The following GRN variants were observed in gnomAD, a reference collection of about 807,000 sequenced individuals.
GRN encodes the protein granulin precursor.
GRN carries 30 observed loss-of-function variants against 66.7 expected under a neutral mutation model. That is an observed-to-expected ratio of 0.45 (90% confidence interval 0.34 to 0.61). The LOEUF is 0.61. Ranked by LOEUF, GRN falls within the 20% of genes least tolerant of loss-of-function variation. The pLI is 0.01. For synonymous variants in GRN, 327 were observed against 311.1 expected (o/e 1.05, Z -0.54); for missense variants, 731 against 803.5 (o/e 0.91, Z 1.09).
In GRN at chr17:44,352,375, C is replaced by A; in HGVS notation, c.1448C>A (p.Pro483Gln). Residue 483 changes from proline (P) to glutamine (Q), a missense_variant, in exon 12 of 13, where the codon CCG (proline) becomes CAG (glutamine). Around this residue, in one of 3 missense-constraint regions of GRN, gnomAD observed 319 missense variants for 347.2 expected, o/e 0.92. Transcript: ENST00000053867. ...VCCEDRQHCC[P>Q]AGYTCNVKAR... ...TGCGAGGATCGCCAGCACTGCTGCC[C>A]GGCTGGCTACACCTGCAACGTGAAG... 1.9e-6 allele frequency: 3 copies of A among 1,613,724 alleles called. No homozygotes were observed. The highest frequency in any genetic ancestry group is 2.5e-6 in the Non-Finnish European group (3 of 1,179,984).
In GRN at chr17:44,350,235, C is replaced by T; in HGVS notation, c.357C>T (p.Asn119=). 4 of 1,611,184 alleles carry T rather than the reference C, an allele frequency of 2.5e-6. No individual in the cohort carries two copies. The highest frequency in any genetic ancestry group is 1.1e-5 in the South Asian group (1 of 91,026). ...GGGTCATCTTGTCCACAGGTAACAA[C>T]TCCGTGGGTGCCATCCAGTGCCCTG... The part of the protein sequence containing the change: ...GRSCFQRSGN[N]SVGAIQCPDS... Residue 119 remains asparagine (N), a synonymous_variant, in exon 5 of 13, where the codon AAC becomes AAT. Coordinates refer to ENST00000053867, the MANE Select transcript of GRN (RefSeq NM_002087.4).
chr17:44,353,073 T>A lies in GRN; in HGVS notation c.*275T>A. 1 of 574,658 alleles carries A rather than the reference T, an allele frequency of 1.7e-6. No individual in the cohort carries two copies. The highest frequency in any genetic ancestry group is 2.9e-5 in the East Asian group (1 of 34,502). The allele number at this position is 574,658 out of a possible 1,614,324, so 35.6% of individuals were successfully genotyped here. Reference sequence around the variant, plus strand: ...ACAGGGGTGTTTGTGTGTGTGCGCGTGTGCGTTTCAATAAAGTTTGTACAC... The same window carrying A: ...ACAGGGGTGTTTGTGTGTGTGCGCGAGTGCGTTTCAATAAAGTTTGTACAC... On this transcript the variant is annotated 3_prime_UTR_variant, in exon 13 of 13. Coordinates refer to ENST00000053867, the MANE Select transcript of GRN (RefSeq NM_002087.4).
In GRN at chr17:44,350,458, AC is replaced by A; in HGVS notation, c.480del (p.Asp160GlufsTer96). ...CPMPQASCCE[D>X]RVHCCPHGAF... The stretch of plus-strand genomic sequence containing the variant: ...TTTTCTCAGGCTTCCTGCTGTGAAG[AC>A]AGGGTGCACTGCTGTCCGCACGGTG... On this transcript the variant is annotated frameshift_variant, in exon 6 of 13. Transcript: ENST00000053867. LOFTEE classifies it high-confidence loss of function. The A allele has an allele frequency of 6.2e-7, 1 of 1,613,962 alleles. No individual in the cohort carries two copies. Among genetic ancestry groups the A allele is most frequent in the Non-Finnish European group, 8.5e-7 (1 of 1,179,964 alleles).
At position 44,350,331 on chromosome 17, in the gene GRN, C is replaced by T. The variant is rs1442000903; in HGVS notation, c.453C>T (p.Pro151=). ...VMVDGSWGCC[P]MPQASCCEDR... ...TCGATGGCTCCTGGGGGTGCTGCCC[C>T]ATGCCCCAGGTACAAATCTGGGGGA... Residue 151 remains proline, a synonymous_variant, in exon 5 of 13, where the codon CCC becomes CCT. Transcript: ENST00000053867. 2 of 1,611,976 alleles carry T rather than the reference C, an allele frequency of 1.2e-6. No homozygotes were observed. The highest frequency in any genetic ancestry group is 2.2e-5 in the South Asian group (2 of 91,020).
At position 44,351,182 on chromosome 17, in the gene GRN, A is replaced by G. The variant is rs2048370670; in HGVS notation, c.835+19A>G. 8.1e-6 allele frequency: 13 copies of G among 1,614,072 alleles called. No individual in the cohort carries two copies. The highest frequency in any genetic ancestry group is 7.6e-6 in the Non-Finnish European group (9 of 1,179,944). On this transcript the variant is annotated intron_variant, in intron 8 of 12. Transcript: ENST00000053867. ...CACACAGGTACCAGAGGCAGGGTGC[A>G]GATACAGGGGTGGGGCCCCCTTTCC...
intron 7 of GRN, 104 bp downstream of exon 7, chr17:44,350,904 T>G: frequency 7.1e-7 from 1 of 1,403,776 alleles, no homozygotes; most frequent in South Asian, 1.2e-5. Flanking sequence ...GGCTGCTTGC[T>G]GGGAGCCTGG....
rs1289528203 is a variant in GRN at position 44,351,169 on chromosome 17, A to G, written c.835+6A>G. 1.9e-6 allele frequency: 3 copies of G among 1,614,144 alleles called. No homozygotes were observed. The highest frequency in any genetic ancestry group is 1.7e-5 in the Admixed American group (1 of 60,034). On this transcript the variant is annotated splice_donor_region_variant and intron_variant, in intron 8 of 12. Coordinates refer to ENST00000053867, the MANE Select transcript of GRN (RefSeq NM_002087.4). ...TAAGCTGCCTGCGCACACAGGTACCAGAGGCAGGGTGCAGATACAGGGGTG... is the reference window on the plus strand; with the variant it reads ...TAAGCTGCCTGCGCACACAGGTACCGGAGGCAGGGTGCAGATACAGGGGTG...
rs758131649 is a variant in GRN, at chr17:44,350,228, G to A, written c.350G>A (p.Gly117Asp). 3 of 1,606,310 alleles carry A rather than the reference G, an allele frequency of 1.9e-6. No individual in the cohort carries two copies. Among genetic ancestry groups the A allele is most frequent in the South Asian group, 1.1e-5 (1 of 90,930 alleles). Residue 117 changes from glycine to aspartate, a missense_variant and splice_region_variant, in exon 5 of 13, where the codon GGT (glycine) becomes GAT (aspartate). Transcript: ENST00000053867. The stretch of plus-strand genomic sequence containing the variant: ...GTATCCTGGGTCATCTTGTCCACAG[G>A]TAACAACTCCGTGGGTGCCATCCAG... Reference protein sequence around the residue: ...ADGRSCFQRSGNNSVGAIQCP... With the variant: ...ADGRSCFQRSDNNSVGAIQCP...
In GRN at chr17:44,352,256, C is replaced by T. The variant is rs778386672; in HGVS notation, c.1413+8C>T. On this transcript the variant is annotated splice_region_variant and intron_variant, in intron 11 of 12. Transcript: ENST00000053867. The stretch of plus-strand genomic sequence containing the variant: ...TGCTGCCAGTTGCCCCATGTGAGTG[C>T]CTCCCTGCCTGCCCCTGGATAGGGG... 1.1e-5 allele frequency: 18 copies of T among 1,606,722 alleles called. No homozygotes were observed. The highest frequency in any genetic ancestry group is 8.5e-7 in the Non-Finnish European group (1 of 1,175,306).
chr17:44,347,667 T>C (rs1441460850), intron 1 of GRN, among the ~76,000 whole-genome samples: 5 of 150,960 alleles, frequency 3.3e-5, no homozygotes, highest in African/African-American at 1.2e-4. Context: ...AAAATAAAGG[T>C]GTGGCTGGGT....
chr17:44,351,995 C>G lies in GRN; in HGVS notation c.1180-20C>G, dbSNP rs746249340. 6.3e-7 allele frequency: 1 copy of G among 1,599,870 alleles called. No homozygotes were observed. Among genetic ancestry groups the G allele is most frequent in the South Asian group, 1.1e-5 (1 of 90,774 alleles). On this transcript the variant is annotated intron_variant, in intron 10 of 12. Transcript: ENST00000053867. Reference sequence around the variant, plus strand: ...CCACATAGTGGCTACCTACAACGCCCTTTCCTGCCCACCCCCCAGGCTGTC... The same window carrying G: ...CCACATAGTGGCTACCTACAACGCCGTTTCCTGCCCACCCCCCAGGCTGTC...
intron 4 of GRN, chr17:44,349,972 G>A: frequency 7.8e-6 from 5 of 639,876 alleles, no homozygotes; most frequent in South Asian, 7.2e-5. Context: ...TTGTGGGGGT[G>A]GGGAGAGGTC....
At position 44,352,455 on chromosome 17, in the gene GRN, C is replaced by T. The variant is rs747873577; in HGVS notation, c.1528C>T (p.Arg510Cys). ...VSAQPATFLA[R>C]SPHVGVKDVE... The stretch of plus-strand genomic sequence containing the variant: ...TGCCCAGCCTGCCACCTTCCTGGCC[C>T]GTAGCCCTCACGTGGGTGTGAAGGA... The change falls in exon 12 of 13, where the codon CGT becomes TGT. Residue 510 changes from arginine to cysteine, a missense_variant. Coordinates refer to ENST00000053867, the MANE Select transcript of GRN (RefSeq NM_002087.4). The T allele has an allele frequency of 1.1e-5, 17 of 1,613,998 alleles. No homozygotes were observed. Among genetic ancestry groups the T allele is most frequent in the East Asian group, 4.5e-5 (2 of 44,894 alleles).
chr17:44,349,490 C>T lies in GRN; in HGVS notation c.203C>T (p.Ser68Phe), dbSNP rs769453542. Reference sequence around the variant, plus strand: ...CCCTGCCAGGTTGATGCCCACTGCTCTGCCGGCCACTCCTGCATCTTTACC... The same window carrying T: ...CCCTGCCAGGTTGATGCCCACTGCTTTGCCGGCCACTCCTGCATCTTTACC... ...GGPCQVDAHC[S>F]AGHSCIFTVS... Residue 68 changes from serine (S) to phenylalanine (F), a missense_variant, in exon 3 of 13, where the codon TCT (serine) becomes TTT (phenylalanine). This residue lies in a region of GRN where 370 missense variants were observed against 379.8 expected (regional missense o/e 0.97). Transcript: ENST00000053867. The T allele has an allele frequency of 1.9e-6, 3 of 1,614,170 alleles. No homozygotes were observed. The highest frequency in any genetic ancestry group is 1.7e-5 in the Admixed American group (1 of 60,038).
At chr17:44,349,989 G>A (rs1005664554) in intron 4 of GRN, 14 of 642,388 alleles carry the variant, frequency 2.2e-5, no homozygotes, top group Non-Finnish European at 3.9e-5. Context: ...GGTCGAGCTG[G>A]GCCGGTCTAA....
chr17:44,352,638 C>A (rs1456543257), intron 12 of GRN, 23 bp from the exon 13 acceptor site: 1 of 1,610,124 alleles, frequency 6.2e-7, no homozygotes, highest in Non-Finnish European at 8.5e-7. Context: ...GTCCAACCCT[C>A]TCGCCCCCCT....
chr17:44,351,973 C>T (rs1465603049), intron 10 of GRN, 42 bp from the exon 11 acceptor site: 1 of 1,538,806 alleles, frequency 6.5e-7, no homozygotes, highest in Admixed American at 1.7e-5. Flanking sequence ...CTGCGCCCCA[C>T]ATAGTGGCTA....
In GRN at chr17:44,351,469, G is replaced by A. The variant is rs773051573; in HGVS notation, c.933+9G>A. 1 of 1,612,412 alleles carries A rather than the reference G, an allele frequency of 6.2e-7. No individual in the cohort carries two copies. Among genetic ancestry groups the A allele is most frequent in the Non-Finnish European group, 8.5e-7 (1 of 1,178,590 alleles). On this transcript the variant is annotated intron_variant, in intron 9 of 12. Coordinates refer to ENST00000053867, the MANE Select transcript of GRN (RefSeq NM_002087.4). Reference sequence around the variant, plus strand: ...GCTGCCCTTTTACCCAGGTACCCAGGGGTGGCGGGTGGGTGGGCTGAGCAC... The same window carrying A: ...GCTGCCCTTTTACCCAGGTACCCAGAGGTGGCGGGTGGGTGGGCTGAGCAC...
At chr17:44,347,753 A>G (rs1436178714) in intron 1 of GRN, among the ~76,000 whole-genome samples, 1 of 150,636 alleles carries the variant, frequency 6.6e-6, no homozygotes, top group Non-Finnish European at 1.5e-5. Flanking sequence ...GGAGTTCAAG[A>G]CCAGCCTGAC....
Sources: allele counts gnomAD v4.1 joint callset (sites outside exome capture counted in the v4.1 genomes callset), GRCh38; gene constraint gnomAD v4.1.1; regional missense constraint gnomAD v4.1.1; transcripts MANE v1.5; gene names NCBI Gene and HGNC (gene_info 2026-07-23, HGNC 2026-07-21).